KIF1B: variants seen among roughly 807,000 people sequenced by gnomAD.
KIF1B encodes kinesin family member 1B.
KIF1B carries 76 observed loss-of-function variants against 241.9 expected under a neutral mutation model. The observed-to-expected ratio is 0.31, with a 90% CI of 0.26 to 0.38. KIF1B has a LOEUF of 0.38. Ranked by LOEUF, KIF1B falls within the 10% of genes least tolerant of loss-of-function variation. KIF1B has a pLI of 1.00. For missense variants in KIF1B, 1,622 were observed against 2,271.4 expected, an observed-to-expected ratio of 0.71 and a Z score of 5.81; for synonymous variants, 750 against 796.7, an observed-to-expected ratio of 0.94 and a Z score of 0.99.
chr1:10,227,371 T>G (rs748960128), intron 1 of KIF1B, among the ~76,000 whole-genome samples: 1 of 152,162 alleles, frequency 6.6e-6, no homozygotes, highest in Non-Finnish European at 1.5e-5. Context: ...TCCCCAATTA[T>G]GCTATTTGTT....
At chr1:10,230,979 C>A (rs183676022) in intron 1 of KIF1B, 1 of 152,068 alleles carries the variant, frequency 6.6e-6, no homozygotes, top group Non-Finnish European at 1.5e-5. Context: ...TTTGGGAGAC[C>A]GAGGCAGGTG....
chr1:10,309,979 GCTTACCTC>G (rs1428555609), intron 22 of KIF1B, among the ~76,000 whole-genome samples: 1 of 151,168 alleles, frequency 6.6e-6, no homozygotes, highest in Non-Finnish European at 1.5e-5. Context: ...TTTCCATCAT[GCTTACCTC>G]CCCTTCCAGA....
chr1:10,237,677 G>A (rs1440533040), intron 2 of KIF1B, among the ~76,000 whole-genome samples: 3 of 151,970 alleles, frequency 2.0e-5, no homozygotes, highest in East Asian at 1.9e-4. Context: ...GCCGCACAGC[G>A]TAACTGATAC....
chr1:10,305,281 C>T (rs1650772311), intron 22 of KIF1B: 3 of 1,043,570 alleles, frequency 2.9e-6, no homozygotes, highest in South Asian at 9.2e-5. Flanking sequence ...ACAAAAAACT[C>T]ATATAATGGT....
chr1:10,310,495 A>G (rs1261000021), intron 22 of KIF1B, among the ~76,000 whole-genome samples: 1 of 151,692 alleles, frequency 6.6e-6, no homozygotes, highest in Non-Finnish European at 1.5e-5. Context: ...AAGCAGCCAT[A>G]GACAATATGG....
chr1:10,297,863 A>G (rs1225587130), intron 22 of KIF1B, among the ~76,000 whole-genome samples: 1 of 152,200 alleles, frequency 6.6e-6, no homozygotes. Flanking sequence ...CGGACAGGAC[A>G]GAAGGCTTGC....
At chr1:10,212,696 C>T (rs1646707973) in intron 1 of KIF1B, among the ~76,000 whole-genome samples, 1 of 151,662 alleles carries the variant, frequency 6.6e-6, no homozygotes, top group African/African-American at 2.4e-5. Context: ...CCACCCTGGG[C>T]AACAGAGTGG....
At chr1:10,320,174 TTTTG>T in intron 23 of KIF1B, 38 bp downstream of exon 23, 1 of 1,380,866 alleles carries the variant, frequency 7.2e-7, no homozygotes, top group Non-Finnish European at 1.0e-6. Flanking sequence ...GTGTATATCT[TTTTG>T]AAGTTATATT....
intron 15 of KIF1B, among the ~76,000 whole-genome samples, chr1:10,285,009 A>G (rs115940622): frequency 0.019 from 2,851 of 152,316 alleles, 39 homozygotes; most frequent in Non-Finnish European, 0.028. Flanking sequence ...GGTAACTTTT[A>G]CTGTTGGTAA....
At chr1:10,278,324 T>C (rs1557683694) in intron 13 of KIF1B, among the ~76,000 whole-genome samples, 196 bp downstream of exon 13, 2 of 152,228 alleles carry the variant, frequency 1.3e-5, no homozygotes, top group African/African-American at 4.8e-5. Flanking sequence ...CTTTATGTAA[T>C]GTGTACCAGA....
chr1:10,346,025 T>C lies in KIF1B; in HGVS notation c.3797+72T>C, dbSNP rs951926459. On this transcript the variant is annotated intron_variant, in intron 35 of 48. Coordinates refer to ENST00000676179, the MANE Select transcript of KIF1B (RefSeq NM_001365951.3). The stretch of plus-strand genomic sequence containing the variant: ...TTAGGAAATGCAATTTTGAATCTTC[T>C]TGTATTTGGGTTCATGAATCATTGT... 5.1e-6 allele frequency: 5 copies of C among 980,304 alleles called. No individual in the cohort carries two copies. In the South Asian group the frequency reaches 6.8e-5, roughly 13 times the overall value. 60.7% of individuals were successfully genotyped at this position (980,304 alleles called of 1,614,324 possible). A position where few individuals can be genotyped will look rare whatever the true frequency, so the allele number is the denominator to read the frequency against.
intron 10 of KIF1B, chr1:10,274,938 A>G: frequency 2.5e-6 from 1 of 392,178 alleles, no homozygotes; most frequent in South Asian, 1.9e-5. Flanking sequence ...AAAAAATGAT[A>G]TGGACAGGAT....
chr1:10,230,175 A>G (rs1329651744), intron 1 of KIF1B, among the ~76,000 whole-genome samples: 1 of 151,854 alleles, frequency 6.6e-6, no homozygotes, highest in Non-Finnish European at 1.5e-5. Context: ...TGAGGTAGAG[A>G]GTGACTTTGG....
intron 38 of KIF1B, among the ~76,000 whole-genome samples, chr1:10,358,699 A>AC (rs1270970510): frequency 3.3e-5 from 5 of 151,936 alleles, no homozygotes; most frequent in Non-Finnish European, 7.4e-5. Flanking sequence ...AAAAAAAAAA[A>AC]AACAGATCTC....
intron 22 of KIF1B, among the ~76,000 whole-genome samples, chr1:10,319,728 T>C (rs1171933245): frequency 6.6e-6 from 1 of 152,176 alleles, no homozygotes; most frequent in Non-Finnish European, 1.5e-5. Context: ...GGTATACACG[T>C]GTTATTTCAC....
intron 12 of KIF1B, among the ~76,000 whole-genome samples, chr1:10,276,799 G>A (rs1051704377): frequency 3.3e-5 from 5 of 152,124 alleles, no homozygotes; most frequent in Non-Finnish European, 4.4e-5. Context: ...TGCTGAAGTC[G>A]GCCAGGCGCA....
intron 3 of KIF1B, 106 bp from the exon 4 acceptor site, chr1:10,258,387 T>G: frequency 8.4e-7 from 1 of 1,188,656 alleles, no homozygotes; most frequent in Non-Finnish European, 1.2e-6. Context: ...TAGGGAATTT[T>G]AGGTGACTGT....
chr1:10,286,703 C>T (rs959506435), intron 15 of KIF1B, among the ~76,000 whole-genome samples: 2 of 152,168 alleles, frequency 1.3e-5, no homozygotes, highest in African/African-American at 4.8e-5. Flanking sequence ...GCTATATGAA[C>T]ATAATTTATT....
At chr1:10,288,365 G>A (rs951856859) in intron 15 of KIF1B, among the ~76,000 whole-genome samples, 1 of 152,120 alleles carries the variant, frequency 6.6e-6, no homozygotes, top group Non-Finnish European at 1.5e-5. Flanking sequence ...TGTCTTGCTC[G>A]CTGGCCCTCT....
Sources: allele counts gnomAD v4.1 joint callset (sites outside exome capture counted in the v4.1 genomes callset), GRCh38; gene constraint gnomAD v4.1.1; transcripts MANE v1.5; gene names NCBI Gene and HGNC (gene_info 2026-07-23, HGNC 2026-07-21).